Variants in PHF6 observed in about 807,000 individuals in gnomAD.
PHF6 encodes PHD-like zinc finger protein.
In PHF6, 7 loss-of-function variants were observed where a neutral mutation model predicts 34.0. That is an observed-to-expected ratio of 0.21 (90% CI 0.12 to 0.39). The LOEUF is 0.39. Among genes scored for constraint, PHF6 ranks in the 10% least tolerant of loss-of-function variants. The pLI is 1.00. For synonymous variants in PHF6, 89 were observed against 88.4 expected, an observed-to-expected ratio of 1.01 and a Z score of -0.04; for missense variants, 128 against 262.8, an observed-to-expected ratio of 0.49 and a Z score of 3.55.
chrX:134,391,453 A>G (rs2077354271), intron 3 of PHF6, among the ~76,000 whole-genome samples: 1 of 111,781 alleles, frequency 8.9e-6, no homozygotes, highest in Admixed American at 9.6e-5. Context: ...GAATAAGGCA[A>G]ATTGCATTCT....
At chrX:134,379,278 A>T (rs368774920) in intron 3 of PHF6, among the ~76,000 whole-genome samples, 2 of 111,039 alleles carry the variant, frequency 1.8e-5, no homozygotes, top group Admixed American at 1.9e-4. Context: ...AAATCCTAGT[A>T]TCAGTATTAG....
At chrX:134,409,511 T>TTC (rs1361142516) in intron 5 of PHF6, among the ~76,000 whole-genome samples, 2 of 111,809 alleles carry the variant, frequency 1.8e-5, no homozygotes, top group African/African-American at 6.5e-5. Flanking sequence ...AGAATCAACT[T>TTC]TAAGTTTCAT....
chrX:134,390,958 C>CT (rs1481790874), intron 3 of PHF6, among the ~76,000 whole-genome samples: 1 of 94,044 alleles, frequency 1.1e-5, no homozygotes, highest in African/African-American at 3.8e-5. Context: ...TTTTCTTTTT[C>CT]TTTTTTTCTT....
chrX:134,427,062 A>AT lies in PHF6; in HGVS notation c.*1411dup, dbSNP rs35950131. The AT allele has an allele frequency of 0.29, 45,298 of 158,716 alleles. 5,701 individuals carry two copies. The highest frequency in any genetic ancestry group is 0.58 in the East Asian group (5,886 of 10,198). The allele number at this position is 158,716 out of a possible 1,213,427, so 13.1% of individuals were successfully genotyped here. On this transcript the variant is annotated 3_prime_UTR_variant, in exon 11 of 11. Transcript: ENST00000370803. Reference sequence around the variant, plus strand: ...AAAATTACACTGTGCTTAATGACTGATTTTTTTTTAAACTGCGAGTCCCTT... The same window carrying AT: ...AAAATTACACTGTGCTTAATGACTGATTTTTTTTTTAAACTGCGAGTCCCTT...
chrX:134,394,823 G>C (rs1267599783), intron 5 of PHF6, among the ~76,000 whole-genome samples: 1 of 110,354 alleles, frequency 9.1e-6, no homozygotes, highest in Non-Finnish European at 1.9e-5. Flanking sequence ...ACAGGCGTGA[G>C]CCACTGCGCC....
chrX:134,394,454 CT>C (rs1201953959), intron 5 of PHF6, among the ~76,000 whole-genome samples: 1 of 109,262 alleles, frequency 9.2e-6, no homozygotes, highest in Non-Finnish European at 1.9e-5. Context: ...TTTAAGAAAA[CT>C]TTTACCCCAA....
intron 3 of PHF6, among the ~76,000 whole-genome samples, chrX:134,378,633 G>C (rs1329355429): frequency 1.8e-5 from 2 of 112,565 alleles, no homozygotes; most frequent in Admixed American, 9.4e-5. Flanking sequence ...AGCTGCGTTA[G>C]AGTAATGTTC....
At chrX:134,420,888 C>G (rs756300418) in intron 9 of PHF6, among the ~76,000 whole-genome samples, 2 of 111,460 alleles carry the variant, frequency 1.8e-5, no homozygotes, top group East Asian at 5.6e-4. Context: ...GCCACCATGC[C>G]TGGCCAAAAA....
chrX:134,391,590 T>G (rs2077354798), intron 3 of PHF6, among the ~76,000 whole-genome samples: 1 of 111,895 alleles, frequency 8.9e-6, no homozygotes, highest in Admixed American at 9.5e-5. Flanking sequence ...TAATTGAATT[T>G]AATATATTTT....
chrX:134,405,417 T>C (rs1170324985), intron 5 of PHF6, among the ~76,000 whole-genome samples: 1 of 111,358 alleles, frequency 9.0e-6, no homozygotes, highest in East Asian at 2.8e-4. Context: ...CAGGCTGGTC[T>C]CAAACTCCTG....
At chrX:134,380,976 A>C (rs2077305004) in intron 3 of PHF6, among the ~76,000 whole-genome samples, 1 of 111,185 alleles carries the variant, frequency 9.0e-6, no homozygotes, top group African/African-American at 3.3e-5. Flanking sequence ...CCTCCCGAGT[A>C]GCTGGGACTA....
At chrX:134,410,901 T>G (rs1044454133) in intron 5 of PHF6, among the ~76,000 whole-genome samples, 3 of 108,239 alleles carry the variant, frequency 2.8e-5, no homozygotes, top group Non-Finnish European at 5.7e-5. Flanking sequence ...TCCAACTGCC[T>G]CAGCCACTGC....
At chrX:134,399,627 A>G (rs982843342) in intron 5 of PHF6, among the ~76,000 whole-genome samples, 3 of 108,604 alleles carry the variant, frequency 2.8e-5, no homozygotes, top group Non-Finnish European at 5.7e-5. Context: ...GTTCCTGTAT[A>G]TCTCCTGTTC....
chrX:134,424,061 GTAACAAACC>G (rs1351630366), intron 9 of PHF6, among the ~76,000 whole-genome samples: 1 of 107,826 alleles, frequency 9.3e-6, no homozygotes, highest in East Asian at 2.9e-4. Flanking sequence ...GTATACATAT[GTAACAAACC>G]TGCACGTTGT....
At chrX:134,389,188 A>G (rs2077343508) in intron 3 of PHF6, among the ~76,000 whole-genome samples, 1 of 111,545 alleles carries the variant, frequency 9.0e-6, no homozygotes, top group African/African-American at 3.3e-5. Context: ...AGAACTTGAA[A>G]TCAGGATACA....
At chrX:134,394,835 G>A (rs2077370575) in intron 5 of PHF6, among the ~76,000 whole-genome samples, 1 of 109,277 alleles carries the variant, frequency 9.2e-6, no homozygotes, top group African/African-American at 3.3e-5. Context: ...CACTGCGCCC[G>A]GCCTCGTTTC....
At chrX:134,373,877 G>T (rs1427661057) in intron 1 of PHF6, among the ~76,000 whole-genome samples, 1 of 107,087 alleles carries the variant, frequency 9.3e-6, no homozygotes, top group African/African-American at 3.4e-5. Flanking sequence ...CGGGGTGGGG[G>T]GAATTAGGGG....
At chrX:134,388,654 A>G (rs769246196) in intron 3 of PHF6, among the ~76,000 whole-genome samples, 2 of 112,060 alleles carry the variant, frequency 1.8e-5, no homozygotes, top group African/African-American at 6.5e-5. Context: ...CTATGGCTCT[A>G]TCTGACCATT....
chrX:134,405,499 G>A (rs1003525103), intron 5 of PHF6, among the ~76,000 whole-genome samples: 9 of 111,581 alleles, frequency 8.1e-5, no homozygotes, highest in African/African-American at 1.3e-4. Context: ...GCGCCCGGCC[G>A]ACTCCATATT....
Sources: gnomAD v4.1 joint callset for allele counts (sites outside exome capture counted in the v4.1 genomes callset) on GRCh38, gnomAD v4.1.1 for gene constraint, MANE v1.5 for transcripts, NCBI Gene and HGNC (gene_info 2026-07-23, HGNC 2026-07-21) for gene names.